FAHD2A: variants seen among roughly 807,000 people sequenced by gnomAD.
FAHD2A encodes oxaloacetate tautomerase FAHD2A, mitochondrial.
FAHD2A carries 27 observed loss-of-function variants against 33.4 expected under a neutral mutation model. That is an observed-to-expected ratio of 0.81 (90% CI 0.60 to 1.11). FAHD2A has a LOEUF of 1.11. FAHD2A is among the 50% of genes most tolerant of loss of function. FAHD2A has a pLI of 0.00. For synonymous variants in FAHD2A, 130 were observed against 153.3 expected, an observed-to-expected ratio of 0.85 and a Z score of 1.12; for missense variants, 296 against 395.0, an observed-to-expected ratio of 0.75 and a Z score of 2.12.
chr2:95,409,458 A>C (rs536452101), intron 3 of FAHD2A, among the ~76,000 whole-genome samples: 16 of 152,126 alleles, frequency 1.1e-4, no homozygotes, highest in Non-Finnish European at 2.2e-4. Flanking sequence ...ATAGGCGTGT[A>C]CCACCACACC....
In FAHD2A at chr2:95,402,722, T is replaced by G. The variant is rs1239070227; in HGVS notation, c.-157T>G. The G allele has an allele frequency of 6.6e-6, 1 of 152,250 alleles. No individual in the cohort carries two copies. Among genetic ancestry groups the G allele is most frequent in the East Asian group, 1.9e-4 (1 of 5,186 alleles). The allele number at this position is 152,250 out of a possible 1,614,324, so 9.4% of individuals were successfully genotyped here. Reference sequence around the variant, plus strand: ...GGATCGCGCCCGCTTTTCTCTCGGGTGATCCGGCCGAGTGGCCCTGGGTTA... The same window carrying G: ...GGATCGCGCCCGCTTTTCTCTCGGGGGATCCGGCCGAGTGGCCCTGGGTTA... On this transcript the variant is annotated 5_prime_UTR_variant, in exon 1 of 8. Transcript: ENST00000233379.
At position 95,410,507 on chromosome 2, in the gene FAHD2A, G is replaced by C; in HGVS notation, c.463-20G>C. ...GGCCCTGAAGCCACTGCAGCTCACT[G>C]TTCCTCTCCCACCCTACAGGAGGTA... On this transcript the variant is annotated intron_variant, in intron 3 of 7. Transcript: ENST00000233379. 1 of 1,601,790 alleles carries C rather than the reference G, an allele frequency of 6.2e-7. No individual in the cohort carries two copies. Among genetic ancestry groups the C allele is most frequent in the Non-Finnish European group, 8.5e-7 (1 of 1,174,300 alleles).
At chr2:95,412,142 T>A (rs1388464506) in intron 5 of FAHD2A, among the ~76,000 whole-genome samples, 1 of 152,028 alleles carries the variant, frequency 6.6e-6, no homozygotes, top group South Asian at 2.1e-4. Context: ...GATGCCCTTA[T>A]TTTTTTCAAG....
Position 95,414,354 on chromosome 2 carries a change from A to G in FAHD2A, c.*1397A>G, listed in dbSNP as rs1682949015. ...AGAAAATCTAGTGCTGGGTGGATAT[A>G]GAGTATGAAGATGTGGAGCTGGGAA... On this transcript the variant is annotated 3_prime_UTR_variant, in exon 8 of 8. Transcript: ENST00000233379. The G allele has an allele frequency of 1.4e-6, 1 of 734,832 alleles. No individual in the cohort carries two copies. The allele number at this position is 734,832 out of a possible 1,614,324, so 45.5% of individuals were successfully genotyped here.
At chr2:95,406,371 C>T (rs1334077909) in intron 2 of FAHD2A, among the ~76,000 whole-genome samples, 1 of 148,092 alleles carries the variant, frequency 6.8e-6, no homozygotes, top group Non-Finnish European at 1.5e-5. Context: ...ACAAATGTTT[C>T]ACAGCTCACA....
chr2:95,406,834 T>C lies in FAHD2A; in HGVS notation c.246-107T>C, dbSNP rs962184567. On this transcript the variant is annotated intron_variant, in intron 2 of 7. Transcript: ENST00000233379. ...TCTGATGGTTGATAGAGCTAGGAAA[T>C]AGATTTCAAAAAGCAAAACCTGTAG... The C allele has an allele frequency of 2.7e-6, 4 of 1,464,636 alleles. No individual in the cohort carries two copies. In the Admixed American group the frequency reaches 7.7e-5, roughly 28 times the overall value. 90.7% of individuals were successfully genotyped at this position (1,464,636 alleles called of 1,614,324 possible). A position where few individuals can be genotyped will look rare whatever the true frequency, so the allele number is the denominator to read the frequency against.
chr2:95,418,115 CCTA>C (rs1683259297), downstream of FAHD2A, among the ~76,000 whole-genome samples: 1 of 151,488 alleles, frequency 6.6e-6, no homozygotes, highest in South Asian at 2.1e-4. Context: ...ATTAATCTCA[CCTA>C]CTCCTTCAGG....
At chr2:95,418,034 C>T (rs1358907264), downstream of FAHD2A, among the ~76,000 whole-genome samples, 1 of 129,688 alleles carries the variant, frequency 7.7e-6, no homozygotes, top group Non-Finnish European at 1.7e-5. Flanking sequence ...GTAGATCAAA[C>T]TTCTCTAGGC....
At chr2:95,412,176 C>T (rs748213966) in intron 5 of FAHD2A, among the ~76,000 whole-genome samples, 1 of 151,914 alleles carries the variant, frequency 6.6e-6, no homozygotes, top group African/African-American at 2.4e-5. Context: ...CCATTTTTCT[C>T]TTCCCCTTCA....
rs536037315 is a variant in FAHD2A, at chr2:95,413,342, T to G, written c.*385T>G. ...ATGGCAAGGGACAATCAAGCCTCAA[T>G]GATTATATTTATAGCTAAGGGTTTG... On this transcript the variant is annotated 3_prime_UTR_variant, in exon 8 of 8. Transcript: ENST00000233379. 1.4e-5 allele frequency: 21 copies of G among 1,489,272 alleles called. No homozygotes were observed. Among genetic ancestry groups the G allele is most frequent in the Non-Finnish European group, 1.8e-5 (20 of 1,119,152 alleles). The allele number at this position is 1,489,272 out of a possible 1,614,324, so 92.3% of individuals were successfully genotyped here.
chr2:95,411,454 G>A (rs944635102), intron 5 of FAHD2A, among the ~76,000 whole-genome samples: 18 of 152,358 alleles, frequency 1.2e-4, no homozygotes, highest in African/African-American at 3.8e-4. Context: ...ACACAGTCAG[G>A]ATACAGCGCC....
rs768748908 is a variant in FAHD2A, at chr2:95,412,702, G to A, written c.820G>A (p.Val274Ile). ...GTTTGTTACCTTTTACCCAGGGGAT[G>A]TCATCCTAACTGGGACCCCCCCAGG... ...SQFVTFYPGD[V>I]ILTGTPPGVG... The change falls in exon 7 of 8, where the codon GTC (valine) becomes ATC (isoleucine). Residue 274 changes from valine (V) to isoleucine (I), a missense_variant. By Grantham distance (29) the Val-to-Ile change is conservative. Coordinates refer to ENST00000233379, the MANE Select transcript of FAHD2A (RefSeq NM_016044.3). 2.5e-6 allele frequency: 4 copies of A among 1,614,176 alleles called. No individual in the cohort carries two copies. Among genetic ancestry groups the A allele is most frequent in the South Asian group, 1.1e-5 (1 of 91,068 alleles).
chr2:95,421,320 CA>C (rs1392712837), downstream of FAHD2A, among the ~76,000 whole-genome samples: 4 of 55,176 alleles, frequency 7.2e-5, no homozygotes, highest in East Asian at 4.3e-4. Context: ...AAATACCAAC[CA>C]GGGGGAAAGC....
Position 95,413,004 on chromosome 2 carries a change from A to ACT in FAHD2A, c.*49_*50dup. 6.2e-7 allele frequency: 1 copy of ACT among 1,606,638 alleles called. No homozygotes were observed. The highest frequency in any genetic ancestry group is 1.1e-5 in the South Asian group (1 of 90,376). On this transcript the variant is annotated 3_prime_UTR_variant, in exon 8 of 8. Coordinates refer to ENST00000233379, the MANE Select transcript of FAHD2A (RefSeq NM_016044.3). The stretch of plus-strand genomic sequence containing the variant: ...ACATAGGATGAGGGCATCTGCTCCC[A>ACT]CTCAGCCTAGCCCAGGGAAAGGCCC...
chr2:95,405,564 G>A lies in FAHD2A; in HGVS notation c.6G>A (p.Leu2=). 6.2e-7 allele frequency: 1 copy of A among 1,611,120 alleles called. No individual in the cohort carries two copies. Among genetic ancestry groups the A allele is most frequent in the Non-Finnish European group, 8.5e-7 (1 of 1,177,662 alleles). The change falls in exon 2 of 8, where the codon CTG becomes CTA. Residue 2 remains leucine (L), a synonymous_variant. Transcript: ENST00000233379. M[L]VSGRRRLLTV... The stretch of plus-strand genomic sequence containing the variant: ...ATTTTTCTCTGCAGGCTCTGATGCT[G>A]GTGTCTGGTAGAAGAAGGTTACTCA...
chr2:95,410,381 C>T lies in FAHD2A; in HGVS notation c.463-146C>T, dbSNP rs887228106. The stretch of plus-strand genomic sequence containing the variant: ...CACACCTCCCTTGTCATTCACTGGG[C>T]TCTGGTTCGTGGTGATGGCAAACAT... On this transcript the variant is annotated intron_variant, in intron 3 of 7. Transcript: ENST00000233379. 1.2e-5 allele frequency: 13 copies of T among 1,041,396 alleles called. No individual in the cohort carries two copies. In the African/African-American group the frequency reaches 1.9e-4, roughly 15 times the overall value. The allele number at this position is 1,041,396 out of a possible 1,614,324, so 64.5% of individuals were successfully genotyped here.
intron 3 of FAHD2A, among the ~76,000 whole-genome samples, chr2:95,409,797 G>C (rs1464586731): frequency 1.3e-5 from 2 of 152,214 alleles, no homozygotes; most frequent in Non-Finnish European, 2.9e-5. Flanking sequence ...GGGCCTTCAA[G>C]TTGGCTCCAT....
In FAHD2A at chr2:95,414,307, G is replaced by A; in HGVS notation, c.*1350G>A. On this transcript the variant is annotated 3_prime_UTR_variant, in exon 8 of 8. Coordinates refer to ENST00000233379, the MANE Select transcript of FAHD2A (RefSeq NM_016044.3). ...GAACTGGAACAGCTGTTGGAGAGGAGAAGAAAAAGAAGACATCAAAAAGAA... is the reference window on the plus strand; with the variant it reads ...GAACTGGAACAGCTGTTGGAGAGGAAAAGAAAAAGAAGACATCAAAAAGAA... The A allele has an allele frequency of 9.2e-7, 1 of 1,083,022 alleles. No homozygotes were observed. Among genetic ancestry groups the A allele is most frequent in the Admixed American group, 1.7e-5 (1 of 57,514 alleles). The allele number at this position is 1,083,022 out of a possible 1,614,324, so 67.1% of individuals were successfully genotyped here. A position where few individuals can be genotyped will look rare whatever the true frequency, so the allele number is the denominator to read the frequency against.
intron 3 of FAHD2A, 64 bp from the exon 4 acceptor site, chr2:95,410,462 GC>G (rs1425397599): frequency 2.9e-5 from 46 of 1,560,100 alleles, no homozygotes; most frequent in Admixed American, 3.8e-5. Context: ...ATGGTGTGCA[GC>G]CTCTCAGCAT....
Sources: allele counts gnomAD v4.1 joint callset (sites outside exome capture counted in the v4.1 genomes callset), GRCh38; gene constraint gnomAD v4.1.1; transcripts MANE v1.5; gene names NCBI Gene and HGNC (gene_info 2026-07-23, HGNC 2026-07-21).